Variants in TBC1D16 observed in about 807,000 individuals in gnomAD.
TBC1D16 encodes TBC1 domain family member 16, also known as CTD-2529O21.1.
Under a neutral mutation model 74.7 loss-of-function variants are expected in TBC1D16, and 58 were observed. The ratio of observed to expected loss-of-function variants is 0.78; its 90% CI spans 0.63 to 0.97. The LOEUF (loss-of-function observed/expected upper bound fraction) is 0.97, where lower values mean the gene tolerates loss of function less well. TBC1D16 is among the 50% of genes least tolerant of loss of function. TBC1D16 has a pLI of 0.00. For missense variants in TBC1D16, 1,014 were observed against 1,079.5 expected, an observed-to-expected ratio of 0.94 and a Z score of 0.85; for synonymous variants, 493 against 474.7, an observed-to-expected ratio of 1.04 and a Z score of -0.50.
Position 80,035,236 on chromosome 17 carries a change from CTTT to C in TBC1D16, c.-63+556_-63+558del, listed in dbSNP as rs11363737. On this transcript the variant is annotated intron_variant, in intron 1 of 11. Transcript: ENST00000310924. This position sits in a 1 kb window ranked among gnomAD's most constrained non-coding sequence, Gnocchi z 5.3. ...TTCCTTTCGTTCTTTCTTTCTTTTT[CTTT>C]TTTTTTTTTTCCCAAAGGAAAGAAC... Among the ~76,000 whole-genome samples, 3 of 142,974 alleles carry C rather than the reference CTTT, an allele frequency of 2.1e-5. No homozygotes were observed. The highest frequency in any genetic ancestry group is 3.1e-5 in the Non-Finnish European group (2 of 65,474). 93.8% of individuals were successfully genotyped at this position (142,974 alleles called of 152,430 possible).
chr17:80,034,217 T>TA (rs2036867050), intron 1 of TBC1D16, among the ~76,000 whole-genome samples: 1 of 14,076 alleles, frequency 7.1e-5, no homozygotes, highest in East Asian at 9.4e-4. Context: ...TTTTTTTTTT[T>TA]GAGACATAGA....
Position 79,985,967 on chromosome 17 carries a change from T to C in TBC1D16, c.779+24193A>G, listed in dbSNP as rs1484640329. ...AGCAGAAAGGTTATGAAAAACCATT[T>C]TTCCCAACGAAACTCTTCTGCCAGG... On this transcript the variant is annotated intron_variant, in intron 3 of 11. Transcript: ENST00000310924. The surrounding 1 kb of genome is among the most constrained non-coding windows in gnomAD (Gnocchi z 4.9). Among the ~76,000 whole-genome samples the C allele has an allele frequency of 2.0e-5, 3 of 152,222 alleles. No homozygotes were observed. Among genetic ancestry groups the C allele is most frequent in the Non-Finnish European group, 1.5e-5 (1 of 68,040 alleles).
chr17:79,950,806 T>A lies in TBC1D16; in HGVS notation c.1090-228A>T, dbSNP rs753202873. ...TGCGGCTCTCTCCTCCCCGGCCCAC[T>A]GTGCCGCCGCCCCCCACTCTCTCCA... is the stretch of plus-strand genomic sequence containing the variant. On this transcript the variant is annotated intron_variant, in intron 5 of 11. Coordinates refer to ENST00000310924, the MANE Select transcript of TBC1D16 (RefSeq NM_019020.4). This position sits in a 1 kb window ranked among gnomAD's most constrained non-coding sequence, Gnocchi z 4.6. 60 of 1,535,668 alleles carry A rather than the reference T, an allele frequency of 3.9e-5. No individual in the cohort carries two copies. The highest frequency in any genetic ancestry group is 9.6e-6 in the Non-Finnish European group (11 of 1,146,688).
In TBC1D16 at chr17:79,940,880, G is replaced by A. The variant is rs200852370; in HGVS notation, c.2283C>T (p.Asp761=). 1.7e-4 allele frequency: 270 copies of A among 1,563,506 alleles called. No individual in the cohort carries two copies. The highest frequency in any genetic ancestry group is 1.0e-3 in the Admixed American group (59 of 57,264). The change falls in exon 12 of 12, where the codon GAC becomes GAT. Residue 761 remains aspartate, a synonymous_variant. Coordinates refer to ENST00000310924, the MANE Select transcript of TBC1D16 (RefSeq NM_019020.4). This position sits in a 1 kb window ranked among gnomAD's most constrained non-coding sequence, Gnocchi z 5.4. The part of the protein sequence containing the change: ...EGKKGPKTPQ[D]GFGFRR Reference sequence around the variant, plus strand: ...CGACCTATCTGCGGAAGCCGAAGCCGTCCTGCGGCGTCTTTGGGCCCTTCT... The same window carrying A: ...CGACCTATCTGCGGAAGCCGAAGCCATCCTGCGGCGTCTTTGGGCCCTTCT...
At chr17:80,030,504 A>G (rs1226165459) in intron 1 of TBC1D16, among the ~76,000 whole-genome samples, 1 of 152,170 alleles carries the variant, frequency 6.6e-6, no homozygotes, top group African/African-American at 2.4e-5. Context: ...TCAGTTCCCA[A>G]ACAGGAAAAC....
intron 5 of TBC1D16, 79 bp downstream of exon 5, chr17:79,951,371 G>A (rs2033036299): frequency 5.2e-6 from 8 of 1,538,714 alleles, no homozygotes; most frequent in Non-Finnish European, 7.0e-6. Context: ...CCCAGACACA[G>A]GACCCAGGAG....
Position 80,008,062 on chromosome 17 carries a change from C to T in TBC1D16, c.779+2098G>A, listed in dbSNP as rs888346885. Among the ~76,000 whole-genome samples, 1 of 152,040 alleles carries T rather than the reference C, an allele frequency of 6.6e-6. No individual in the cohort carries two copies. Among genetic ancestry groups the T allele is most frequent in the Non-Finnish European group, 1.5e-5 (1 of 67,990 alleles). ...GTGTCTCCTGGCATTGCCATACACCCCCTGGGCACAGACTCGGCCCCGGGT... is the reference window on the plus strand; with the variant it reads ...GTGTCTCCTGGCATTGCCATACACCTCCTGGGCACAGACTCGGCCCCGGGT... On this transcript the variant is annotated intron_variant, in intron 3 of 11. Coordinates refer to ENST00000310924, the MANE Select transcript of TBC1D16 (RefSeq NM_019020.4). The surrounding 1 kb of genome is among the most constrained non-coding windows in gnomAD (Gnocchi z 4.5).
At chr17:79,948,054 C>T (rs907381583) in intron 8 of TBC1D16, among the ~76,000 whole-genome samples, 1 of 152,174 alleles carries the variant, frequency 6.6e-6, no homozygotes, top group Admixed American at 6.5e-5. Flanking sequence ...CCCACGCCTA[C>T]AATCCCAGCA....
chr17:80,016,767 T>A (rs1310882092), intron 1 of TBC1D16, among the ~76,000 whole-genome samples: 2 of 152,180 alleles, frequency 1.3e-5, no homozygotes, highest in Non-Finnish European at 2.9e-5. Flanking sequence ...ACCCCCTCCA[T>A]GCTTCAGCCT....
At chr17:80,016,907 A>G (rs1421397530) in intron 1 of TBC1D16, among the ~76,000 whole-genome samples, 1 of 152,058 alleles carries the variant, frequency 6.6e-6, no homozygotes, top group Non-Finnish European at 1.5e-5. Context: ...TGACAGATCC[A>G]TCACCCCCAT....
chr17:79,941,673 C>T lies in TBC1D16; in HGVS notation c.2055+387G>A, dbSNP rs992181818. The stretch of plus-strand genomic sequence containing the variant: ...AGCCCAAGGTCCCCAGTATTCTGGC[C>T]ACCCTGTCCCCAGGTCCAGCCTCCT... On this transcript the variant is annotated intron_variant, in intron 11 of 11. Coordinates refer to ENST00000310924, the MANE Select transcript of TBC1D16 (RefSeq NM_019020.4). This position sits in a 1 kb window ranked among gnomAD's most constrained non-coding sequence, Gnocchi z 4.3. 1.3e-5 allele frequency among the ~76,000 whole-genome samples: 2 copies of T among 152,210 alleles called. No individual in the cohort carries two copies. Among genetic ancestry groups the T allele is most frequent in the Non-Finnish European group, 2.9e-5 (2 of 68,038 alleles).
intron 3 of TBC1D16, among the ~76,000 whole-genome samples, chr17:79,976,342 AT>A (rs1011273729): frequency 6.6e-6 from 1 of 152,160 alleles, no homozygotes; most frequent in African/African-American, 2.4e-5. Flanking sequence ...ACCATAAGGC[AT>A]TTTCTCACGC....
rs373735734 is a variant in TBC1D16 at position 80,010,333 on chromosome 17, C to G, written c.606G>C (p.Pro202=). 2.5e-6 allele frequency: 4 copies of G among 1,610,188 alleles called. No individual in the cohort carries two copies. In the Admixed American group the frequency reaches 6.7e-5, roughly 27 times the overall value. ...CATCCTCCTCCCCGGCCTCGGGCCG[C>G]GGCTCCCGCCCCTCCTCGGTGACAT... The part of the protein sequence containing the change: ...PQDVTEEGRE[P]RPEAGEEDGS... Residue 202 remains proline, a synonymous_variant, in exon 3 of 12, where the codon CCG becomes CCC. Transcript: ENST00000310924. This position sits in a 1 kb window ranked among gnomAD's most constrained non-coding sequence, Gnocchi z 8.8.
chr17:79,971,115 C>A lies in TBC1D16; in HGVS notation c.780-18297G>T, dbSNP rs1183212221. 1.3e-5 allele frequency among the ~76,000 whole-genome samples: 2 copies of A among 151,938 alleles called. No individual in the cohort carries two copies. Among genetic ancestry groups the A allele is most frequent in the African/African-American group, 4.8e-5 (2 of 41,350 alleles). On this transcript the variant is annotated intron_variant, in intron 3 of 11. Transcript: ENST00000310924. This position sits in a 1 kb window ranked among gnomAD's most constrained non-coding sequence, Gnocchi z 4.6. ...TCGGCTCACTGCAACCTCCACCTCT[C>A]GGGTTCAAGGCATTCTCCTGCCTCA...
At chr17:79,957,945 G>T (rs1377766856) in intron 3 of TBC1D16, among the ~76,000 whole-genome samples, 1 of 150,080 alleles carries the variant, frequency 6.7e-6, no homozygotes, top group East Asian at 1.9e-4. Flanking sequence ...ATGTAAAAAA[G>T]TATGTAAATT....
At position 79,936,939 on chromosome 17, in the gene TBC1D16, T is replaced by TGTGC. The variant is rs869274383; in HGVS notation, c.*3919_*3920insGCAC. The stretch of plus-strand genomic sequence containing the variant: ...GTGTGTGTGTGTGTGTGTGTGTGTG[T>TGTGC]GCGCATTTTCCCAGGGGACCTCTCC... On this transcript the variant is annotated 3_prime_UTR_variant, in exon 12 of 12. Coordinates refer to ENST00000310924, the MANE Select transcript of TBC1D16 (RefSeq NM_019020.4). The TGTGC allele has an allele frequency of 1.7e-3, 255 of 148,952 alleles. 3 individuals carry two copies. The highest frequency in any genetic ancestry group is 0.01 in the Middle Eastern group (3 of 292). The allele number at this position is 148,952 out of a possible 1,614,324, so 9.2% of individuals were successfully genotyped here.
intron 3 of TBC1D16, among the ~76,000 whole-genome samples, chr17:80,005,944 A>G (rs1243821485): frequency 1.3e-5 from 2 of 152,196 alleles, no homozygotes; most frequent in East Asian, 3.9e-4. Flanking sequence ...AATCTCAGCC[A>G]GACACGCAGC....
chr17:79,967,815 A>G (rs565066887), intron 3 of TBC1D16, among the ~76,000 whole-genome samples: 2 of 152,266 alleles, frequency 1.3e-5, no homozygotes, highest in East Asian at 3.9e-4. Context: ...TAGGACTCAC[A>G]CTTCCTAATT....
intron 3 of TBC1D16, among the ~76,000 whole-genome samples, chr17:79,959,665 GA>G (rs1244296708): frequency 1.3e-5 from 2 of 152,086 alleles, no homozygotes; most frequent in Non-Finnish European, 2.9e-5. Flanking sequence ...ATATCTGCAT[GA>G]AAAAAATTAA....
Sources: gnomAD v4.1 joint callset for allele counts (sites outside exome capture counted in the v4.1 genomes callset) on GRCh38, gnomAD v4.1.1 for gene constraint, Gnocchi (gnomAD v3.1) non-coding constraint, MANE v1.5 for transcripts, NCBI Gene and HGNC (gene_info 2026-07-23, HGNC 2026-07-21) for gene names.